DRD2: variants seen among roughly 807,000 people sequenced by gnomAD.
DRD2 encodes D(2) dopamine receptor.
In DRD2, 8 loss-of-function variants were observed where a neutral mutation model predicts 38.0. The ratio of observed to expected loss-of-function variants is 0.21; its 90% CI spans 0.12 to 0.38. The LOEUF is 0.38. Among genes scored for constraint, DRD2 ranks in the 10% least tolerant of loss-of-function variants. The pLI is 1.00. For synonymous variants in DRD2, 230 were observed against 238.6 expected (o/e 0.96, Z 0.33); for missense variants, 403 against 607.7 (o/e 0.66, Z 3.54).
chr11:113,466,966 A>G (rs984273164), intron 1 of DRD2, among the ~76,000 whole-genome samples: 1 of 151,990 alleles, frequency 6.6e-6, no homozygotes, highest in African/African-American at 2.4e-5. Context: ...TCACAATGTG[A>G]CTCTAGAGTG....
At chr11:113,442,340 G>A (rs1216164814) in intron 1 of DRD2, among the ~76,000 whole-genome samples, 1 of 152,166 alleles carries the variant, frequency 6.6e-6, no homozygotes, top group Non-Finnish European at 1.5e-5. Flanking sequence ...TTTGTGCCCC[G>A]TGTTTTATAA....
rs868399214 is a variant in DRD2 at position 113,475,269 on chromosome 11, C to G, written c.-225G>C. The G allele has an allele frequency of 6.7e-6, 1 of 148,654 alleles. No homozygotes were observed. The highest frequency in any genetic ancestry group is 1.8e-4 in the South Asian group (1 of 5,424). 9.2% of individuals were successfully genotyped at this position (148,654 alleles called of 1,614,324 possible). On this transcript the variant is annotated 5_prime_UTR_variant, in exon 1 of 8. Coordinates refer to ENST00000362072, the MANE Select transcript of DRD2 (RefSeq NM_000795.4). Reference sequence around the variant, plus strand: ...CAGCAGCTCGGCCGGCTCTGGCCCGCGGGGAGCAGTGGACGGGCCGCGGCG... The same window carrying G: ...CAGCAGCTCGGCCGGCTCTGGCCCGGGGGGAGCAGTGGACGGGCCGCGGCG...
At chr11:113,432,032 ACGCCCCAAAACTGGCAGG>A (rs1359566841) in intron 1 of DRD2, among the ~76,000 whole-genome samples, 7 of 152,186 alleles carry the variant, frequency 4.6e-5, no homozygotes, top group African/African-American at 1.2e-4. Context: ...TTTCCCAGTC[ACGCCCCAAAACTGGCAGG>A]CGCCCCAACC....
chr11:113,445,204 G>T (rs1951133702), intron 1 of DRD2, among the ~76,000 whole-genome samples: 1 of 152,194 alleles, frequency 6.6e-6, no homozygotes, highest in African/African-American at 2.4e-5. Flanking sequence ...AAACCATGTG[G>T]GATCCTGGAT....
In DRD2 at chr11:113,412,844, G is replaced by A. The variant is rs780406894; in HGVS notation, c.850C>T (p.Leu284Phe). The change falls in exon 7 of 8, where the codon CTC becomes TTC. Residue 284 changes from leucine to phenylalanine, a missense_variant. Physicochemically the swap from Leu to Phe is conservative, Grantham distance 22 (BLOSUM62 0). Transcript: ENST00000362072. Reference sequence around the variant, plus strand: ...CTCTCGGGTGGGCTGGTGCTGGAGAGCATCTCCATCTCCAGCTCCTGGGCT... The same window carrying A: ...CTCTCGGGTGGGCTGGTGCTGGAGAACATCTCCATCTCCAGCTCCTGGGCT... ...RRAQELEMEMLSSTSPPERTR... is the reference protein window; with the variant it reads ...RRAQELEMEMFSSTSPPERTR... 4 of 1,612,940 alleles carry A rather than the reference G, an allele frequency of 2.5e-6. No individual in the cohort carries two copies. The highest frequency in any genetic ancestry group is 3.4e-6 in the Non-Finnish European group (4 of 1,179,844).
chr11:113,444,531 C>T (rs964598273), intron 1 of DRD2, among the ~76,000 whole-genome samples: 1 of 152,196 alleles, frequency 6.6e-6, no homozygotes. Context: ...GCCAGCATAT[C>T]AGCTTTTTCT....
chr11:113,453,611 T>C (rs1225735381), intron 1 of DRD2, among the ~76,000 whole-genome samples: 2 of 152,236 alleles, frequency 1.3e-5, no homozygotes, highest in East Asian at 1.9e-4. Flanking sequence ...CTAAGCAATG[T>C]AGATAACAAA....
At chr11:113,444,503 C>T (rs569684748) in intron 1 of DRD2, among the ~76,000 whole-genome samples, 2 of 152,324 alleles carry the variant, frequency 1.3e-5, no homozygotes, top group South Asian at 4.1e-4. Context: ...AATATGAGGG[C>T]TTCTGCTGTA....
intron 1 of DRD2, among the ~76,000 whole-genome samples, chr11:113,460,616 A>G (rs1037200015): frequency 6.6e-6 from 1 of 152,140 alleles, no homozygotes; most frequent in South Asian, 2.1e-4. Context: ...GGCCTGTGGG[A>G]GCTTGGCTGC....
At chr11:113,438,182 C>G (rs1168436024) in intron 1 of DRD2, among the ~76,000 whole-genome samples, 1 of 151,898 alleles carries the variant, frequency 6.6e-6, no homozygotes. Flanking sequence ...GTCAATGCGT[C>G]CTATTTTTAT....
intron 7 of DRD2, chr11:113,412,260 CTGGTGCCAGCATAATAGACTAGTCAAATT>C: frequency 2.1e-6 from 1 of 472,256 alleles, no homozygotes; most frequent in Non-Finnish European, 3.9e-6. Context: ...CCATGAGGTT[CTGGTGCCAGCATAATAGACTAGTCAAATT>C]TCCAGACTCT....
chr11:113,468,788 T>C (rs930377341), intron 1 of DRD2, among the ~76,000 whole-genome samples: 46 of 152,174 alleles, frequency 3.0e-4, no homozygotes, highest in African/African-American at 1.1e-3. Flanking sequence ...GTTCAAGCAA[T>C]CTGCCCACCT....
chr11:113,443,116 A>G (rs1018602104), intron 1 of DRD2, among the ~76,000 whole-genome samples: 2 of 152,116 alleles, frequency 1.3e-5, no homozygotes, highest in African/African-American at 4.8e-5. Context: ...CATCTCTGTT[A>G]CCAGGCTTAT....
chr11:113,445,222 T>C (rs1951134272), intron 1 of DRD2, among the ~76,000 whole-genome samples: 1 of 152,218 alleles, frequency 6.6e-6, no homozygotes, highest in South Asian at 2.1e-4. Flanking sequence ...GATTCGATCC[T>C]GGGCCAGGAA....
intron 2 of DRD2, among the ~76,000 whole-genome samples, chr11:113,422,986 G>A (rs1040588818): frequency 2.6e-5 from 4 of 152,118 alleles, no homozygotes; most frequent in African/African-American, 9.7e-5. Context: ...CAGAGCACCG[G>A]CACTTTCCTA....
chr11:113,458,744 TA>T (rs1273280852), intron 1 of DRD2, among the ~76,000 whole-genome samples: 1 of 152,238 alleles, frequency 6.6e-6, no homozygotes, highest in African/African-American at 2.4e-5. Context: ...CTTCTATATT[TA>T]AAAGCAGTCT....
At chr11:113,434,882 G>T (rs868864321) in intron 1 of DRD2, among the ~76,000 whole-genome samples, 14 of 152,198 alleles carry the variant, frequency 9.2e-5, no homozygotes, top group African/African-American at 3.1e-4. Flanking sequence ...GGGTGGGGGT[G>T]TCCCCAGGGG....
chr11:113,463,865 A>T (rs1951344657), intron 1 of DRD2, among the ~76,000 whole-genome samples: 1 of 152,088 alleles, frequency 6.6e-6, no homozygotes, highest in African/African-American at 2.4e-5. Flanking sequence ...GAGTGTAGGA[A>T]GGAAAATTGG....
At chr11:113,425,226 A>G (rs1950928608) in intron 1 of DRD2, among the ~76,000 whole-genome samples, 1 of 152,254 alleles carries the variant, frequency 6.6e-6, no homozygotes, top group African/African-American at 2.4e-5. Context: ...GGAGAGAGAT[A>G]CATAACCTAG....
Sources: gnomAD v4.1 joint callset for allele counts (sites outside exome capture counted in the v4.1 genomes callset) on GRCh38, gnomAD v4.1.1 for gene constraint, MANE v1.5 for transcripts, NCBI Gene and HGNC (gene_info 2026-07-23, HGNC 2026-07-21) for gene names.